Variants in CCDC73 observed in about 807,000 individuals in gnomAD.
CCDC73 encodes coiled-coil domain-containing protein 73.
A neutral mutation model predicts 116.5 loss-of-function variants in CCDC73; 95 were observed. The ratio of observed to expected loss-of-function variants is 0.82; its 90% CI spans 0.69 to 0.97. The LOEUF (loss-of-function observed/expected upper bound fraction) is 0.97, where lower values mean the gene tolerates loss of function less well. CCDC73 is among the 50% of genes least tolerant of loss of function. CCDC73 has a pLI of 0.00. For synonymous variants in CCDC73, 398 were observed against 401.3 expected, an observed-to-expected ratio of 0.99 and a Z score of 0.10; for missense variants, 1,066 against 1,206.8, an observed-to-expected ratio of 0.88 and a Z score of 1.73.
chr11:32,776,936 A>AATATAT (rs1169476616), intron 1 of CCDC73, among the ~76,000 whole-genome samples: 10 of 36,462 alleles, frequency 2.7e-4, no homozygotes, highest in African/African-American at 7.5e-4. Context: ...AAAAAAAAAA[A>AATATAT]ATATATATAT....
chr11:32,656,370 C>T (rs899694917), intron 9 of CCDC73, among the ~76,000 whole-genome samples: 3 of 152,114 alleles, frequency 2.0e-5, no homozygotes, highest in Admixed American at 1.3e-4. Flanking sequence ...TGAGCCACCG[C>T]GCCCGGCCAG....
At chr11:32,648,242 G>T (rs1459772322) in intron 12 of CCDC73, among the ~76,000 whole-genome samples, 1 of 152,168 alleles carries the variant, frequency 6.6e-6, no homozygotes, top group Non-Finnish European at 1.5e-5. Context: ...CTTCTCTTGT[G>T]CTAAGTAAAT....
intron 9 of CCDC73, among the ~76,000 whole-genome samples, chr11:32,669,585 A>C (rs1856017809): frequency 6.6e-6 from 1 of 151,778 alleles, no homozygotes; most frequent in East Asian, 1.9e-4. Context: ...CCCATTAACC[A>C]CACCCATCTT....
At chr11:32,724,377 T>C (rs1482438389) in intron 2 of CCDC73, among the ~76,000 whole-genome samples, 3 of 152,176 alleles carry the variant, frequency 2.0e-5, no homozygotes, top group African/African-American at 7.2e-5. Flanking sequence ...CGTGATAGTA[T>C]AGTTATTAAT....
intron 13 of CCDC73, among the ~76,000 whole-genome samples, chr11:32,637,622 A>G (rs918909566): frequency 6.6e-6 from 1 of 151,002 alleles, no homozygotes; most frequent in African/African-American, 2.4e-5. Context: ...ACATACACAT[A>G]CACACACCCC....
intron 1 of CCDC73, among the ~76,000 whole-genome samples, chr11:32,761,163 C>G (rs887237239): frequency 2.0e-5 from 3 of 152,074 alleles, no homozygotes; most frequent in African/African-American, 7.2e-5. Flanking sequence ...TGTTATCTAT[C>G]TCCGTAATTT....
the CCDC73 span, among the ~76,000 whole-genome samples, chr11:32,809,940 T>C: frequency 6.6e-6 from 1 of 152,220 alleles, no homozygotes; most frequent in Admixed American, 6.5e-5. Context: ...TTAGTAAAGA[T>C]CACAACATCT....
At chr11:32,724,086 A>T (rs1430522942) in intron 2 of CCDC73, among the ~76,000 whole-genome samples, 2 of 152,130 alleles carry the variant, frequency 1.3e-5, no homozygotes, top group Non-Finnish European at 2.9e-5. Flanking sequence ...TCTACAAATC[A>T]TAATAATCAG....
chr11:32,626,834 TA>T (rs1398399167), intron 14 of CCDC73, among the ~76,000 whole-genome samples: 1 of 152,210 alleles, frequency 6.6e-6, no homozygotes, highest in African/African-American at 2.4e-5. Context: ...CAAGCTGGAT[TA>T]AAGACTTACA....
chr11:32,611,382 T>C, intron 16 of CCDC73, 117 bp from the exon 17 acceptor site: 1 of 877,770 alleles, frequency 1.1e-6, no homozygotes, highest in Non-Finnish European at 1.7e-6. Flanking sequence ...ATTTCTATTT[T>C]AATGTTGAAT....
chr11:32,635,494 A>G (rs1253539754), intron 14 of CCDC73, among the ~76,000 whole-genome samples: 2 of 152,170 alleles, frequency 1.3e-5, no homozygotes, highest in Non-Finnish European at 2.9e-5. Context: ...TGCTGGGACA[A>G]TTGGAAATTC....
intron 2 of CCDC73, among the ~76,000 whole-genome samples, chr11:32,752,639 G>T (rs989151978): frequency 6.6e-6 from 1 of 151,932 alleles, no homozygotes; most frequent in Non-Finnish European, 1.5e-5. Flanking sequence ...GTTTTAATCT[G>T]CATTTATTTT....
chr11:32,772,207 G>T (rs1038571907), intron 1 of CCDC73, among the ~76,000 whole-genome samples: 1 of 152,058 alleles, frequency 6.6e-6, no homozygotes, highest in Non-Finnish European at 1.5e-5. Context: ...TTTTTATTCT[G>T]CTCTCTACAT....
the CCDC73 span, among the ~76,000 whole-genome samples, chr11:32,801,589 G>A: frequency 0.023 from 3,496 of 151,534 alleles, 54 homozygotes; most frequent in Non-Finnish European, 0.04. Flanking sequence ...TGTGGTGAGC[G>A]GCAATCGCAC....
At chr11:32,781,342 C>T (rs1256662071) in intron 1 of CCDC73, among the ~76,000 whole-genome samples, 2 of 152,106 alleles carry the variant, frequency 1.3e-5, no homozygotes, top group African/African-American at 4.8e-5. Context: ...AAGACAAAAA[C>T]AATAAAACTC....
At chr11:32,653,732 G>A (rs1287336117) in intron 11 of CCDC73, among the ~76,000 whole-genome samples, 1 of 152,078 alleles carries the variant, frequency 6.6e-6, no homozygotes, top group African/African-American at 2.4e-5. Context: ...GAAAAAGTAT[G>A]CACTACACAT....
intron 17 of CCDC73, among the ~76,000 whole-genome samples, chr11:32,610,094 A>C (rs1365448053): frequency 3.3e-5 from 5 of 151,970 alleles, no homozygotes; most frequent in African/African-American, 4.8e-5. Flanking sequence ...CGGCCGGCAA[A>C]AGGCAGTTCT....
intron 9 of CCDC73, 111 bp from the exon 10 acceptor site, chr11:32,655,083 A>ATATT: frequency 1.4e-6 from 1 of 729,018 alleles, no homozygotes; most frequent in South Asian, 2.2e-5. Context: ...ATAATTTGTT[A>ATATT]TAATTCCCTT....
intron 7 of CCDC73, among the ~76,000 whole-genome samples, chr11:32,676,669 T>C (rs1169019576): frequency 6.6e-6 from 1 of 152,178 alleles, no homozygotes; most frequent in Non-Finnish European, 1.5e-5. Flanking sequence ...CCTGTAGTCC[T>C]AGCTACTTGG....
Sources: allele counts gnomAD v4.1 joint callset (sites outside exome capture counted in the v4.1 genomes callset), GRCh38; gene constraint gnomAD v4.1.1; transcripts MANE v1.5; gene names NCBI Gene and HGNC (gene_info 2026-07-23, HGNC 2026-07-21).